The following CTNND2 variants were observed in gnomAD, a reference collection of about 807,000 sequenced individuals.
CTNND2 encodes the protein catenin delta 2.
Under a neutral mutation model 144.4 loss-of-function variants are expected in CTNND2, and 22 were observed. The ratio of observed to expected loss-of-function variants is 0.15; its 90% CI spans 0.11 to 0.22. The LOEUF is 0.22. Among genes scored for constraint, CTNND2 ranks in the 10% least tolerant of loss-of-function variants. CTNND2 has a pLI of 1.00. For missense variants in CTNND2, 1,353 were observed against 1,618.8 expected, an observed-to-expected ratio of 0.84 and a Z score of 2.82; for synonymous variants, 751 against 695.6, an observed-to-expected ratio of 1.08 and a Z score of -1.25.
chr5:11,384,826 G>T lies in CTNND2; in HGVS notation c.1016C>A (p.Ser339Tyr), dbSNP rs1299290716. 7.4e-6 allele frequency: 12 copies of T among 1,613,150 alleles called. No individual in the cohort carries two copies. Among genetic ancestry groups the T allele is most frequent in the African/African-American group, 1.3e-5 (1 of 74,904 alleles). Residue 339 changes from serine (S) to tyrosine (Y), a missense_variant, in exon 7 of 22, where the codon TCC becomes TAC. Physicochemically the swap from Ser to Tyr is moderately radical, Grantham distance 144. Coordinates refer to ENST00000304623, the MANE Select transcript of CTNND2 (RefSeq NM_001332.4). This position sits in a 1 kb window ranked among gnomAD's most constrained non-coding sequence, Gnocchi z 5.2. ...GTGGATGGGCGAGGAGGAGATGGTG[G>T]ACTGCACGGTGGGGGGCGAGGTCAC... ...IRVTSPPTVQ[S>Y]TISSSPIHQL...
rs915506653 is a variant in CTNND2 at position 11,494,874 on chromosome 5, A to G, written c.287+70070T>C. On this transcript the variant is annotated intron_variant, in intron 3 of 21. Coordinates refer to ENST00000304623, the MANE Select transcript of CTNND2 (RefSeq NM_001332.4). ...TGTATTGAACAAAAGACCACGAAAG[A>G]TCACTTATACTTTCTGTTCTCAGTA... Among the ~76,000 whole-genome samples, 3 of 152,194 alleles carry G rather than the reference A, an allele frequency of 2.0e-5. No individual in the cohort carries two copies. In the East Asian group the frequency reaches 5.8e-4, roughly 29 times the overall value.
chr5:11,043,733 A>G (rs1744929660), intron 16 of CTNND2, among the ~76,000 whole-genome samples: 1 of 152,202 alleles, frequency 6.6e-6, no homozygotes, highest in Non-Finnish European at 1.5e-5. Context: ...AATTTCAGGA[A>G]AAGAAAAGAA....
intron 12 of CTNND2, among the ~76,000 whole-genome samples, chr5:11,153,386 C>A (rs1209210431): frequency 1.3e-5 from 2 of 152,244 alleles, no homozygotes; most frequent in African/African-American, 2.4e-5. Context: ...CAAAAAGATT[C>A]TTTTTAACAG....
intron 14 of CTNND2, among the ~76,000 whole-genome samples, chr5:11,102,136 A>G (rs143897583): frequency 7.2e-5 from 11 of 152,318 alleles, no homozygotes; most frequent in African/African-American, 2.6e-4. Flanking sequence ...ATGTTCCACA[A>G]TTCTGTGCAA....
intron 15 of CTNND2, 93 bp downstream of exon 15, chr5:11,098,482 T>C: frequency 1.8e-6 from 2 of 1,109,732 alleles, no homozygotes; most frequent in Non-Finnish European, 1.3e-6. Context: ...AAATCTTTAT[T>C]AGAGTTGCAT....
intron 3 of CTNND2, among the ~76,000 whole-genome samples, chr5:11,554,402 G>A (rs930911827): frequency 1.3e-5 from 2 of 152,128 alleles, no homozygotes; most frequent in Admixed American, 6.5e-5. Context: ...TTAGACAGAA[G>A]GACAGCCTTG....
chr5:11,741,446 T>C (rs934091883), intron 1 of CTNND2, among the ~76,000 whole-genome samples: 2 of 152,112 alleles, frequency 1.3e-5, no homozygotes, highest in Non-Finnish European at 2.9e-5. Context: ...GAAACCATCA[T>C]TCTAAGCAAA....
At chr5:10,993,040 C>G (rs1738885133) in intron 18 of CTNND2, among the ~76,000 whole-genome samples, 1 of 152,140 alleles carries the variant, frequency 6.6e-6, no homozygotes, top group Non-Finnish European at 1.5e-5. Context: ...CTGCCTGGCT[C>G]CCTCTTCCGC....
chr5:11,881,951 A>C (rs1022228038), intron 1 of CTNND2, among the ~76,000 whole-genome samples: 1 of 151,950 alleles, frequency 6.6e-6, no homozygotes, highest in Non-Finnish European at 1.5e-5. Context: ...ACGATAACTC[A>C]TTGTGGTTTC....
At chr5:11,226,107 G>A (rs1580639295) in intron 10 of CTNND2, among the ~76,000 whole-genome samples, 1 of 152,194 alleles carries the variant, frequency 6.6e-6, no homozygotes, top group African/African-American at 2.4e-5. Context: ...TCTTGGACTT[G>A]TAGCCTCCAG....
intron 1 of CTNND2, among the ~76,000 whole-genome samples, chr5:11,896,147 A>G (rs1737377770): frequency 6.6e-6 from 1 of 152,196 alleles, no homozygotes; most frequent in Admixed American, 6.5e-5. Context: ...AGCATTAAAT[A>G]TAACTACCAA....
intron 12 of CTNND2, among the ~76,000 whole-genome samples, chr5:11,143,382 GTTCTT>G (rs1756932109): frequency 6.6e-6 from 1 of 152,080 alleles, no homozygotes; most frequent in Non-Finnish European, 1.5e-5. Flanking sequence ...TGCAGGGTTG[GTTCTT>G]TCCAAGGGTT....
intron 2 of CTNND2, among the ~76,000 whole-genome samples, chr5:11,676,997 T>G (rs1784207164): frequency 6.6e-6 from 1 of 152,244 alleles, no homozygotes; most frequent in South Asian, 2.1e-4. Context: ...TCTTCCATTG[T>G]AAACCAATCT....
At chr5:11,506,433 C>T (rs1771041518) in intron 3 of CTNND2, among the ~76,000 whole-genome samples, 1 of 152,188 alleles carries the variant, frequency 6.6e-6, no homozygotes, top group African/African-American at 2.4e-5. Flanking sequence ...CAACACAGGT[C>T]AGAGGATACA....
chr5:11,156,881 A>T (rs1405424966), intron 12 of CTNND2, among the ~76,000 whole-genome samples: 1 of 152,202 alleles, frequency 6.6e-6, no homozygotes, highest in Non-Finnish European at 1.5e-5. Context: ...GGCCACATGG[A>T]TGCCACTCCG....
intron 11 of CTNND2, among the ~76,000 whole-genome samples, chr5:11,172,122 AG>A (rs749542862): frequency 3.3e-5 from 5 of 152,190 alleles, no homozygotes; most frequent in Non-Finnish European, 7.3e-5. Flanking sequence ...GCATTAAGAA[AG>A]ATACCGATGC....
At chr5:11,869,993 T>C (rs1225194360) in intron 1 of CTNND2, among the ~76,000 whole-genome samples, 1 of 152,138 alleles carries the variant, frequency 6.6e-6, no homozygotes, top group African/African-American at 2.4e-5. Flanking sequence ...AGAGAGGCCT[T>C]GAAGAAGCAT....
At chr5:11,212,618 T>C (rs1738751935) in intron 10 of CTNND2, among the ~76,000 whole-genome samples, 1 of 152,186 alleles carries the variant, frequency 6.6e-6, no homozygotes, top group South Asian at 2.1e-4. Context: ...ACAAGATGTA[T>C]GGGAATTTTA....
intron 11 of CTNND2, among the ~76,000 whole-genome samples, chr5:11,182,924 T>A (rs1209763266): frequency 1.3e-5 from 2 of 152,216 alleles, no homozygotes; most frequent in Non-Finnish European, 2.9e-5. Context: ...GGAATTTTAG[T>A]AAGATCCTGG....
Sources: allele counts gnomAD v4.1 joint callset (sites outside exome capture counted in the v4.1 genomes callset), GRCh38; gene constraint gnomAD v4.1.1; non-coding constraint Gnocchi (gnomAD v3.1); transcripts MANE v1.5; gene names NCBI Gene and HGNC (gene_info 2026-07-23, HGNC 2026-07-21).